DCAF6: variants seen among roughly 807,000 people sequenced by gnomAD.
The protein encoded by DCAF6 is DDB1 and CUL4 associated factor 6.
A neutral mutation model predicts 125.1 loss-of-function variants in DCAF6; 54 were observed. The ratio of observed to expected loss-of-function variants is 0.43; its 90% confidence interval spans 0.35 to 0.54. The LOEUF is 0.54. Ranked by LOEUF, DCAF6 falls within the 20% of genes least tolerant of loss-of-function variation. The pLI is 0.01. For synonymous variants in DCAF6, 371 were observed against 390.4 expected (o/e 0.95, Z 0.58); for missense variants, 934 against 1,161.7 (o/e 0.80, Z 2.85).
the DCAF6 span, among the ~76,000 whole-genome samples, chr1:167,875,670 G>A: frequency 2.0e-5 from 3 of 152,342 alleles, no homozygotes; most frequent in East Asian, 5.8e-4. Context: ...GTACTACTTG[G>A]CTGGGCGCAG....
At chr1:168,018,924 G>T (rs913955487) in intron 11 of DCAF6, among the ~76,000 whole-genome samples, 1 of 151,998 alleles carries the variant, frequency 6.6e-6, no homozygotes, top group Admixed American at 6.6e-5. Context: ...CCCAATTATT[G>T]ATTTATTTAG....
chr1:167,884,752 C>T, the DCAF6 span, among the ~76,000 whole-genome samples: 1 of 143,770 alleles, frequency 7.0e-6, no homozygotes, highest in East Asian at 2.0e-4. Context: ...GGCTGGAGTG[C>T]AGTGGCGCGA....
chr1:167,899,000 A>G, the DCAF6 span, among the ~76,000 whole-genome samples: 1 of 152,068 alleles, frequency 6.6e-6, no homozygotes, highest in Admixed American at 6.6e-5. Context: ...ACTTCGCCGC[A>G]CTTGCTCAAC....
the DCAF6 span, chr1:167,880,119 G>A: frequency 2.5e-6 from 4 of 1,611,838 alleles, no homozygotes; most frequent in Non-Finnish European, 3.4e-6. Flanking sequence ...GCACACCTGT[G>A]TACTCGTGTC....
Position 168,004,678 on chromosome 1 carries a change from T to G in DCAF6, c.1263T>G (p.Ala421=). The change falls in exon 10 of 22, where the codon GCT becomes GCG. Residue 421 remains alanine, a synonymous_variant. Transcript: ENST00000367840. ...CATCCTCTACAATGTCAGCTCAGGCTCATTCGACATCATCTCCCACAGAAA... is the reference window on the plus strand; with the variant it reads ...CATCCTCTACAATGTCAGCTCAGGCGCATTCGACATCATCTCCCACAGAAA... ...PSTSSTMSAQ[A]HSTSSPTESP... The G allele has an allele frequency of 6.2e-7, 1 of 1,614,032 alleles. No individual in the cohort carries two copies. The highest frequency in any genetic ancestry group is 8.5e-7 in the Non-Finnish European group (1 of 1,179,942).
the DCAF6 span, among the ~76,000 whole-genome samples, chr1:167,881,164 G>A: frequency 1.3e-5 from 2 of 152,168 alleles, no homozygotes; most frequent in African/African-American, 4.8e-5. Flanking sequence ...TGCAGATACT[G>A]TTATTCTTAG....
intron 10 of DCAF6, among the ~76,000 whole-genome samples, chr1:168,012,330 G>C (rs1345347085): frequency 6.6e-6 from 1 of 152,170 alleles, no homozygotes; most frequent in Non-Finnish European, 1.5e-5. Context: ...TAAGTCATTA[G>C]GAGAATAACC....
the DCAF6 span, among the ~76,000 whole-genome samples, chr1:167,915,810 C>T: frequency 2.0e-5 from 3 of 152,134 alleles, no homozygotes; most frequent in Non-Finnish European, 4.4e-5. Context: ...GTGTTAAAAC[C>T]TTATCTCAAT....
chr1:167,972,861 A>G (rs963551293), intron 3 of DCAF6, among the ~76,000 whole-genome samples: 1 of 152,184 alleles, frequency 6.6e-6, no homozygotes, highest in Non-Finnish European at 1.5e-5. Context: ...TACTCACTAA[A>G]TTTTAATTAG....
upstream of DCAF6, among the ~76,000 whole-genome samples, chr1:167,934,768 T>C (rs1671023786): frequency 6.6e-6 from 1 of 152,198 alleles, no homozygotes; most frequent in Non-Finnish European, 1.5e-5. Context: ...GTCTTTCAAT[T>C]TACAACACAT....
chr1:168,020,558 A>G (rs79517104), intron 11 of DCAF6, among the ~76,000 whole-genome samples: 35 of 152,218 alleles, frequency 2.3e-4, no homozygotes, highest in African/African-American at 8.4e-4. Flanking sequence ...AACACTTCAA[A>G]TAAGCTGACC....
the DCAF6 span, among the ~76,000 whole-genome samples, chr1:167,926,242 G>A: frequency 3.3e-5 from 5 of 152,320 alleles, no homozygotes; most frequent in East Asian, 7.7e-4. Flanking sequence ...GCTGGTGAGA[G>A]AATTTAAACT....
At chr1:167,962,189 A>G (rs1438239882) in intron 2 of DCAF6, among the ~76,000 whole-genome samples, 3 of 152,160 alleles carry the variant, frequency 2.0e-5, no homozygotes, top group Non-Finnish European at 4.4e-5. Context: ...GAAGTAGTCT[A>G]TAAATGTCCG....
the DCAF6 span, among the ~76,000 whole-genome samples, chr1:167,884,665 T>G: frequency 0.18 from 26,630 of 150,476 alleles, 2,567 homozygotes; most frequent in Middle Eastern, 0.23. Flanking sequence ...ATCCTTATAT[T>G]CTCTACCCCC....
At chr1:167,955,937 T>G (rs1455264680) in intron 2 of DCAF6, among the ~76,000 whole-genome samples, 2 of 152,120 alleles carry the variant, frequency 1.3e-5, no homozygotes, top group African/African-American at 4.8e-5. Context: ...ATGTGTTTGT[T>G]TTTTGTAGAG....
At chr1:167,982,411 T>C (rs1679330626) in intron 4 of DCAF6, among the ~76,000 whole-genome samples, 1 of 152,102 alleles carries the variant, frequency 6.6e-6, no homozygotes, top group Non-Finnish European at 1.5e-5. Flanking sequence ...CCAGCTAATA[T>C]TTTTTATTTC....
At chr1:167,948,747 G>T (rs901875174) in intron 1 of DCAF6, among the ~76,000 whole-genome samples, 8 of 152,130 alleles carry the variant, frequency 5.3e-5, no homozygotes, top group Non-Finnish European at 1.5e-5. Flanking sequence ...CGCCTCCCAG[G>T]TTCAAGCGAT....
chr1:168,053,789 A>T (rs1000797489), intron 17 of DCAF6, among the ~76,000 whole-genome samples: 2 of 152,160 alleles, frequency 1.3e-5, no homozygotes, highest in Non-Finnish European at 2.9e-5. Context: ...GTTCACCACA[A>T]ATCATGTTAT....
chr1:167,964,316 T>C (rs970184675), intron 2 of DCAF6, among the ~76,000 whole-genome samples: 50 of 152,306 alleles, frequency 3.3e-4, no homozygotes, highest in African/African-American at 1.2e-3. Context: ...TTTTGCGGGG[T>C]ACAGTATTCT....
Sources: allele counts gnomAD v4.1 joint callset (sites outside exome capture counted in the v4.1 genomes callset), GRCh38; gene constraint gnomAD v4.1.1; transcripts MANE v1.5; gene names NCBI Gene and HGNC (gene_info 2026-07-23, HGNC 2026-07-21).